The following CCDC171 variants were observed in gnomAD, a reference collection of about 807,000 sequenced individuals.
The protein encoded by CCDC171 is coiled-coil domain-containing protein 171.
In CCDC171, 177 loss-of-function variants were observed where a neutral mutation model predicts 168.2. The ratio of observed to expected loss-of-function variants is 1.05; its 90% confidence interval spans 0.93 to 1.19. CCDC171 has a LOEUF of 1.19. Among genes scored for constraint, CCDC171 ranks in the 50% most tolerant of loss-of-function variants. CCDC171 has a pLI of 0.00. For missense variants in CCDC171, 1,991 were observed against 1,539.0 expected, an observed-to-expected ratio of 1.29 and a Z score of -4.91; for synonymous variants, 687 against 540.8, an observed-to-expected ratio of 1.27 and a Z score of -3.75.
chr9:15,673,713 G>A (rs1339373740), intron 9 of CCDC171, among the ~76,000 whole-genome samples: 2 of 152,130 alleles, frequency 1.3e-5, no homozygotes, highest in Non-Finnish European at 2.9e-5. Flanking sequence ...TGATCGTGGT[G>A]GATAAGCTTT....
At chr9:16,057,235 G>T (rs1833855218) in intron 1 of CCDC171, among the ~76,000 whole-genome samples, 1 of 152,078 alleles carries the variant, frequency 6.6e-6, no homozygotes, top group Non-Finnish European at 1.5e-5. Flanking sequence ...AAAATGATAA[G>T]AACCATGAAG....
At chr9:15,881,180 T>C (rs1242463692) in intron 24 of CCDC171, among the ~76,000 whole-genome samples, 1 of 152,188 alleles carries the variant, frequency 6.6e-6, no homozygotes, top group African/African-American at 2.4e-5. Context: ...AGAATTCTAC[T>C]CTGAAGATTT....
chr9:15,901,971 CT>C (rs1821730082), intron 24 of CCDC171, among the ~76,000 whole-genome samples: 1 of 152,088 alleles, frequency 6.6e-6, no homozygotes, highest in Admixed American at 6.6e-5. Context: ...TCAAAGTACT[CT>C]TGAACTTGTG....
At chr9:15,725,534 C>A (rs2053745711) in intron 14 of CCDC171, among the ~76,000 whole-genome samples, 1 of 152,052 alleles carries the variant, frequency 6.6e-6, no homozygotes, top group African/African-American at 2.4e-5. Flanking sequence ...ATTGCAACCT[C>A]CACCTCCCAG....
At chr9:15,680,591 G>C (rs1349823037) in intron 10 of CCDC171, among the ~76,000 whole-genome samples, 1 of 152,176 alleles carries the variant, frequency 6.6e-6, no homozygotes, top group Non-Finnish European at 1.5e-5. Context: ...GCTGTGTTCT[G>C]ATTCAGGGAA....
chr9:15,681,100 C>G (rs539399078), intron 10 of CCDC171, among the ~76,000 whole-genome samples: 1 of 152,086 alleles, frequency 6.6e-6, no homozygotes, highest in Non-Finnish European at 1.5e-5. Context: ...TAAAATAATG[C>G]AAGTGGCAGC....
In CCDC171 at chr9:16,047,099, G is replaced by C. The variant is rs572365988; in HGVS notation, n.89+4213G>C. Among the ~76,000 whole-genome samples, 28 of 152,282 alleles carry C rather than the reference G, an allele frequency of 1.8e-4. No homozygotes were observed. The South Asian group carries it at 5.6e-3, about 30-fold the overall frequency. On this transcript the variant is annotated intron_variant and non_coding_transcript_variant, in intron 1 of 1. Coordinates refer to the CCDC171 transcript ENST00000478913. ...TCCCTGGGTGACCTCTTAAACTGCA[G>C]TATATTTAGTTCCTGAATTTAAGAA...
chr9:15,797,665 C>T (rs1408673782), intron 21 of CCDC171, among the ~76,000 whole-genome samples: 1 of 151,894 alleles, frequency 6.6e-6, no homozygotes, highest in Non-Finnish European at 1.5e-5. Context: ...CAGTATCTTT[C>T]AAATAAAAAT....
intron 13 of CCDC171, among the ~76,000 whole-genome samples, 178 bp from the exon 14 acceptor site, chr9:15,724,593 CTGAGA>C (rs1214372914): frequency 6.6e-6 from 1 of 152,036 alleles, no homozygotes; most frequent in African/African-American, 2.4e-5. Context: ...AATTTTTGAG[CTGAGA>C]TATTATATTT....
At position 15,725,897 on chromosome 9, in the gene CCDC171, C is replaced by T. The variant is rs1266209627; in HGVS notation, c.1692+921C>T. The stretch of plus-strand genomic sequence containing the variant: ...TCATTTAGAAACCCTGGAGAGTTGC[C>T]TACCCATTTATGTTTATTAATGACT... On this transcript the variant is annotated intron_variant, in intron 14 of 25. Coordinates refer to ENST00000380701, the MANE Select transcript of CCDC171 (RefSeq NM_173550.4). 2.0e-5 allele frequency among the ~76,000 whole-genome samples: 3 copies of T among 152,168 alleles called. No homozygotes were observed. In the East Asian group the frequency reaches 5.8e-4, roughly 29 times the overall value.
chr9:15,738,459 G>C (rs1166737841), intron 16 of CCDC171, among the ~76,000 whole-genome samples: 3 of 152,142 alleles, frequency 2.0e-5, no homozygotes, highest in Non-Finnish European at 4.4e-5. Context: ...TGATCGGAAT[G>C]TTTTTATGGG....
chr9:15,752,656 A>C (rs1024745726), intron 18 of CCDC171, among the ~76,000 whole-genome samples: 3 of 152,196 alleles, frequency 2.0e-5, no homozygotes, highest in African/African-American at 7.2e-5. Flanking sequence ...AAAACCAAAC[A>C]GCGCATGTTC....
At chr9:15,923,300 C>G (rs539875036) in intron 25 of CCDC171, among the ~76,000 whole-genome samples, 2 of 151,288 alleles carry the variant, frequency 1.3e-5, no homozygotes, top group South Asian at 4.2e-4. Context: ...AGTATATATA[C>G]ATAATAAATA....
chr9:15,947,966 C>G (rs988427758), intron 25 of CCDC171, among the ~76,000 whole-genome samples: 2 of 149,714 alleles, frequency 1.3e-5, no homozygotes, highest in Non-Finnish European at 2.9e-5. Context: ...CCAATGCTAT[C>G]CCTCCCCGCT....
At chr9:16,030,653 C>A (rs1225964819) in intron 6 of CCDC171, among the ~76,000 whole-genome samples, 2 of 152,174 alleles carry the variant, frequency 1.3e-5, no homozygotes, top group Admixed American at 1.3e-4. Context: ...CAGGCACACA[C>A]CCACAGGGAG....
the CCDC171 span, among the ~76,000 whole-genome samples, chr9:16,080,310 C>A: frequency 3.9e-4 from 60 of 152,040 alleles, 1 homozygote; most frequent in Admixed American, 7.2e-4. Flanking sequence ...GTTTTTTTCC[C>A]CCAGTATGTT....
intron 21 of CCDC171, among the ~76,000 whole-genome samples, chr9:15,785,059 C>T (rs1334181628): frequency 6.6e-6 from 1 of 152,066 alleles, no homozygotes; most frequent in Non-Finnish European, 1.5e-5. Flanking sequence ...AAACTCCACA[C>T]ATCTTTTGGA....
intron 7 of CCDC171, among the ~76,000 whole-genome samples, chr9:15,624,111 A>G (rs989434918): frequency 5.3e-5 from 8 of 152,178 alleles, no homozygotes; most frequent in Non-Finnish European, 1.0e-4. Context: ...GTTAACACTT[A>G]TTAAACTCAC....
At chr9:15,988,459 C>T (rs1271337418) in intron 3 of CCDC171, among the ~76,000 whole-genome samples, 3 of 152,088 alleles carry the variant, frequency 2.0e-5, no homozygotes, top group Admixed American at 6.5e-5. Flanking sequence ...CCAAGATGGC[C>T]GAATAGGAAC....
Sources: gnomAD v4.1 joint callset for allele counts (sites outside exome capture counted in the v4.1 genomes callset) on GRCh38, gnomAD v4.1.1 for gene constraint, MANE v1.5 for transcripts, NCBI Gene and HGNC (gene_info 2026-07-23, HGNC 2026-07-21) for gene names.